The following RP1 variants were observed in gnomAD, a reference collection of about 807,000 sequenced individuals.
The protein encoded by RP1 is oxygen-regulated protein 1.
RP1 carries 16 observed loss-of-function variants against 14.8 expected under a neutral mutation model. The observed-to-expected ratio is 1.08, with a 90% CI of 0.73 to 1.65. RP1 has a LOEUF of 1.65. RP1 is among the 40% of genes most tolerant of loss of function. RP1 has a pLI of 0.00. For synonymous variants in RP1, 876 were observed against 883.6 expected, an observed-to-expected ratio of 0.99 and a Z score of 0.15; for missense variants, 2,631 against 2,535.0, an observed-to-expected ratio of 1.04 and a Z score of -0.81.
chr8:54,602,978 T>G (rs1380398389), intron 1 of RP1, among the ~76,000 whole-genome samples: 3 of 152,194 alleles, frequency 2.0e-5, no homozygotes, highest in Non-Finnish European at 4.4e-5. Flanking sequence ...TTTCTCCCAT[T>G]CTGTAGGTTG....
At chr8:54,650,074 A>G (rs1288169525) in intron 4 of RP1, among the ~76,000 whole-genome samples, 2 of 152,182 alleles carry the variant, frequency 1.3e-5, no homozygotes, top group East Asian at 3.8e-4. Context: ...TTTCTTTTAA[A>G]TTGAATTATA....
At chr8:54,597,586 G>A (rs1396472845) in intron 1 of RP1, among the ~76,000 whole-genome samples, 1 of 152,162 alleles carries the variant, frequency 6.6e-6, no homozygotes, top group African/African-American at 2.4e-5. Context: ...CTGTTGTGCT[G>A]TATGGAGCAC....
At chr8:54,847,547 T>C (rs1377622799) in intron 25 of RP1, among the ~76,000 whole-genome samples, 2 of 152,234 alleles carry the variant, frequency 1.3e-5, no homozygotes, top group Non-Finnish European at 1.5e-5. Context: ...TCATTTTAGA[T>C]TGTGCGATCT....
intron 1 of RP1, among the ~76,000 whole-genome samples, chr8:54,598,708 C>A (rs952805424): frequency 2.0e-5 from 3 of 152,192 alleles, no homozygotes; most frequent in Non-Finnish European, 2.9e-5. Context: ...TTGTTACCTG[C>A]ATTCCTCAAG....
At chr8:54,728,891 A>C (rs1339245178) in intron 17 of RP1, among the ~76,000 whole-genome samples, 1 of 152,192 alleles carries the variant, frequency 6.6e-6, no homozygotes, top group Non-Finnish European at 1.5e-5. Context: ...AGCTTCAACA[A>C]TGATCAACAT....
At chr8:54,793,092 C>A (rs144771332) in intron 24 of RP1, among the ~76,000 whole-genome samples, 1 of 151,488 alleles carries the variant, frequency 6.6e-6, no homozygotes, top group Non-Finnish European at 1.5e-5. Context: ...CTAGAGAAAA[C>A]GTATAAATTT....
intron 7 of RP1, among the ~76,000 whole-genome samples, chr8:54,668,195 A>G (rs1807061201): frequency 6.6e-6 from 1 of 152,202 alleles, no homozygotes; most frequent in Non-Finnish European, 1.5e-5. Context: ...TATGCAGATC[A>G]ATAAACGTAA....
chr8:54,635,182 T>A (rs1413199139), downstream of RP1, among the ~76,000 whole-genome samples: 2 of 152,254 alleles, frequency 1.3e-5, no homozygotes, highest in Non-Finnish European at 2.9e-5. Flanking sequence ...TGCATAGATA[T>A]TTCATATATT....
intron 21 of RP1, among the ~76,000 whole-genome samples, chr8:54,758,233 C>T (rs567499522): frequency 4.3e-4 from 65 of 152,180 alleles, no homozygotes; most frequent in African/African-American, 1.5e-3. Flanking sequence ...CAACAATCTA[C>T]GAGAAAGTAA....
chr8:54,629,332 A>G lies in RP1; in HGVS notation c.5450A>G (p.Asn1817Ser). ...ACTCAACCCCTTGAACTAAAATGCA[A>G]TTACTTTAACATGCCTCATGGTAGT... ...ELTQPLELKC[N>S]YFNMPHGSDS... is the part of the protein sequence containing the mutation. Residue 1817 changes from asparagine to serine, a missense_variant, in exon 4 of 4, where the codon AAT becomes AGT. Asn to Ser is a conservative substitution (Grantham distance 46, BLOSUM62 1). Transcript: ENST00000220676. 7 of 1,614,060 alleles carry G rather than the reference A, an allele frequency of 4.3e-6. No individual in the cohort carries two copies. The highest frequency in any genetic ancestry group is 1.7e-5 in the Admixed American group (1 of 60,016).
intron 1 of RP1, among the ~76,000 whole-genome samples, chr8:54,604,756 T>A (rs1379434764): frequency 6.6e-6 from 1 of 152,212 alleles, no homozygotes; most frequent in Non-Finnish European, 1.5e-5. Context: ...TTCTTCCTGG[T>A]TTAGTCTTGG....
chr8:54,776,686 A>G (rs1810048891), intron 23 of RP1, among the ~76,000 whole-genome samples: 1 of 152,176 alleles, frequency 6.6e-6, no homozygotes, highest in African/African-American at 2.4e-5. Flanking sequence ...TCAAGGATAC[A>G]CTGGAAGGGA....
intron 19 of RP1, among the ~76,000 whole-genome samples, chr8:54,754,339 GTT>G (rs66571554): frequency 2.4e-4 from 35 of 148,536 alleles, no homozygotes; most frequent in African/African-American, 7.9e-4. Flanking sequence ...CTCTTAGATT[GTT>G]TTTTTTTTTA....
intron 24 of RP1, among the ~76,000 whole-genome samples, chr8:54,823,834 G>T (rs58447272): frequency 0.32 from 47,935 of 151,970 alleles, 7,714 homozygotes; most frequent in South Asian, 0.37. Flanking sequence ...GCAATTGCTA[G>T]GTTGTATGGT....
At chr8:54,808,923 C>T (rs1313438190) in intron 24 of RP1, among the ~76,000 whole-genome samples, 1 of 152,190 alleles carries the variant, frequency 6.6e-6, no homozygotes, top group Non-Finnish European at 1.5e-5. Context: ...TGTTTAACAA[C>T]ATTATCTGTC....
chr8:54,788,779 G>A (rs151084309), intron 24 of RP1, among the ~76,000 whole-genome samples: 2 of 152,284 alleles, frequency 1.3e-5, no homozygotes, highest in Non-Finnish European at 2.9e-5. Flanking sequence ...GATGATATCA[G>A]CAAGATAATA....
At chr8:54,679,438 A>G (rs1807372243) in exon 10 of RP1, 1 of 1,535,814 alleles carries the variant, frequency 6.5e-7, no homozygotes, top group Non-Finnish European at 8.7e-7. Context: ...ATCAGGGGGA[A>G]GATGATTGTA....
intron 1 of RP1, among the ~76,000 whole-genome samples, chr8:54,596,158 T>C (rs1253653814): frequency 2.6e-5 from 4 of 152,210 alleles, no homozygotes; most frequent in Non-Finnish European, 4.4e-5. Context: ...TTCATTCTTG[T>C]CCTATGCATT....
At chr8:54,595,997 T>A (rs1286892620) in intron 1 of RP1, among the ~76,000 whole-genome samples, 4 of 152,208 alleles carry the variant, frequency 2.6e-5, no homozygotes, top group African/African-American at 2.4e-5. Context: ...AATAATTTTG[T>A]CTAAATTAAA....
Sources: allele counts gnomAD v4.1 joint callset (sites outside exome capture counted in the v4.1 genomes callset), GRCh38; gene constraint gnomAD v4.1.1; transcripts MANE v1.5; gene names NCBI Gene and HGNC (gene_info 2026-07-23, HGNC 2026-07-21).